Variants in SLIT1 observed in about 807,000 individuals in gnomAD.
SLIT1 encodes slit guidance ligand 1, also known as slit homolog 1 protein.
SLIT1 carries 66 observed loss-of-function variants against 186.1 expected under a neutral mutation model. The observed-to-expected ratio is 0.35, with a 90% CI of 0.29 to 0.44. SLIT1 has a LOEUF of 0.44. SLIT1 is among the 20% of genes least tolerant of loss of function. The pLI is 1.00. For synonymous variants in SLIT1, 761 were observed against 833.8 expected (o/e 0.91, Z 1.50); for missense variants, 1,638 against 2,037.4 (o/e 0.80, Z 3.77).
intron 4 of SLIT1, among the ~76,000 whole-genome samples, chr10:97,070,989 G>A (rs1335901909): frequency 1.3e-5 from 2 of 152,102 alleles, no homozygotes; most frequent in African/African-American, 2.4e-5. Flanking sequence ...GATGCTCTAC[G>A]GGTGGAGACA....
rs1458630945 is a variant in SLIT1 at position 97,046,749 on chromosome 10, C to T, written c.1758G>A (p.Glu586=). Residue 586 remains glutamate (E), a synonymous_variant, in exon 18 of 37, where the codon GAG becomes GAA. Coordinates refer to ENST00000266058, the MANE Select transcript of SLIT1 (RefSeq NM_003061.3). The stretch of plus-strand genomic sequence containing the variant: ...GCAGCTCGCTCACAGAGGCTGCGCC[C>T]TCGAAGGCCCCATCTTCAATTTCTG... ...KVSEIEDGAF[E]GAASVSELHL... is the part of the protein sequence containing the mutation. 1.9e-6 allele frequency: 3 copies of T among 1,612,492 alleles called. No individual in the cohort carries two copies. The highest frequency in any genetic ancestry group is 1.6e-4 in the Middle Eastern group (1 of 6,084).
intron 4 of SLIT1, among the ~76,000 whole-genome samples, chr10:97,126,721 C>T (rs775620768): frequency 2.5e-4 from 38 of 152,184 alleles, no homozygotes; most frequent in Non-Finnish European, 5.3e-4. Context: ...TTGTGGAATA[C>T]ATGAATGAGT....
intron 3 of SLIT1, among the ~76,000 whole-genome samples, chr10:97,160,449 A>G (rs1850010928): frequency 6.6e-6 from 1 of 152,180 alleles, no homozygotes; most frequent in Non-Finnish European, 1.5e-5. Flanking sequence ...GGTGGGTGTC[A>G]TTTTAAAAAT....
intron 25 of SLIT1, among the ~76,000 whole-genome samples, chr10:97,023,843 T>G (rs1383097419): frequency 6.6e-6 from 1 of 152,034 alleles, no homozygotes; most frequent in Non-Finnish European, 1.5e-5. Context: ...CTCGGAAGGC[T>G]GAGGCAGGAC....
rs148396064 is a variant in SLIT1 at position 97,163,424 on chromosome 10, T to C, written c.297A>G (p.Ala99=). 8.6e-4 allele frequency: 1,387 copies of C among 1,614,200 alleles called. 21 individuals carry two copies. In the East Asian group the frequency reaches 0.027, roughly 31 times the overall value. Residue 99 remains alanine, a synonymous_variant, in exon 3 of 37, where the codon GCA becomes GCG. Transcript: ENST00000266058. ...VLQLMENQIG[A]VERGAFDDMK... ...TGTCATCAAAAGCACCACGTTCCAC[T>C]GCTCCAATCTGGTTCTCCATCAGCT...
chr10:97,172,252 G>A (rs542640428), intron 1 of SLIT1, among the ~76,000 whole-genome samples: 1 of 152,078 alleles, frequency 6.6e-6, no homozygotes, highest in South Asian at 2.1e-4. Context: ...CACCATGTTG[G>A]CCAGGCTGAT....
intron 4 of SLIT1, among the ~76,000 whole-genome samples, chr10:97,071,783 G>A (rs116048712): frequency 0.011 from 1,680 of 152,334 alleles, 35 homozygotes; most frequent in African/African-American, 0.038. Context: ...TACAGCTGGT[G>A]TGGCACTCAG....
intron 12 of SLIT1, among the ~76,000 whole-genome samples, chr10:97,056,886 G>A (rs1848841783): frequency 6.6e-6 from 1 of 152,194 alleles, no homozygotes; most frequent in South Asian, 2.1e-4. Context: ...ATGGTTCAAG[G>A]AGGCCGAGCT....
In SLIT1 at chr10:97,006,474, G is replaced by A; in HGVS notation, c.3579+9C>T. 6.2e-7 allele frequency: 1 copy of A among 1,603,954 alleles called. No homozygotes were observed. The highest frequency in any genetic ancestry group is 8.5e-7 in the Non-Finnish European group (1 of 1,170,998). ...ACTCCCCTCTGTGACCAAGCCCCCT[G>A]GCACGCACCTGCAACGTGATGTTGG... On this transcript the variant is annotated intron_variant, in intron 32 of 36. Transcript: ENST00000266058. The surrounding 1 kb of genome is among the most constrained non-coding windows in gnomAD (Gnocchi z 4.0).
At chr10:97,050,510 A>G (rs534293614) in intron 13 of SLIT1, among the ~76,000 whole-genome samples, 1 of 152,338 alleles carries the variant, frequency 6.6e-6, no homozygotes, top group East Asian at 1.9e-4. Flanking sequence ...CAGGTGGACC[A>G]GGTCCCTCCC....
chr10:97,083,099 T>C (rs902187548), intron 4 of SLIT1, among the ~76,000 whole-genome samples: 1 of 152,026 alleles, frequency 6.6e-6, no homozygotes, highest in Non-Finnish European at 1.5e-5. Context: ...TATTTTTATT[T>C]ATTTATTTAT....
chr10:97,035,544 C>T (rs866475188), intron 22 of SLIT1, among the ~76,000 whole-genome samples: 12 of 152,222 alleles, frequency 7.9e-5, no homozygotes, highest in African/African-American at 2.9e-4. Flanking sequence ...CCTCCTGAGC[C>T]AGCGTCCTCT....
intron 4 of SLIT1, among the ~76,000 whole-genome samples, chr10:97,148,869 G>A (rs1223148132): frequency 1.3e-5 from 2 of 152,130 alleles, no homozygotes; most frequent in African/African-American, 2.4e-5. Context: ...GTTCCTGCAC[G>A]CACGCCTCTC....
chr10:97,185,884 G>C lies in SLIT1; in HGVS notation c.-210C>G, dbSNP rs1286670905. On this transcript the variant is annotated 5_prime_UTR_variant, in exon 1 of 37. Coordinates refer to ENST00000266058, the MANE Select transcript of SLIT1 (RefSeq NM_003061.3). ...AGGGAGGGCGCCTTGGGCGGAGGGG[G>C]CTCGGCTCCTCTGCCGTTTCGCCGC... 3 of 500,064 alleles carry C rather than the reference G, an allele frequency of 6.0e-6. No individual in the cohort carries two copies. The East Asian group carries it at 1.1e-4, about 18-fold the overall frequency. The allele number at this position is 500,064 out of a possible 1,614,324, so 31.0% of individuals were successfully genotyped here.
Position 97,006,832 on chromosome 10 carries a change from G to A in SLIT1, c.3342-112C>T. 1.4e-6 allele frequency: 1 copy of A among 738,260 alleles called. No homozygotes were observed. The highest frequency in any genetic ancestry group is 2.3e-6 in the Non-Finnish European group (1 of 434,042). The allele number at this position is 738,260 out of a possible 1,614,324, so 45.7% of individuals were successfully genotyped here. On this transcript the variant is annotated intron_variant, in intron 31 of 36. Coordinates refer to ENST00000266058, the MANE Select transcript of SLIT1 (RefSeq NM_003061.3). This position sits in a 1 kb window ranked among gnomAD's most constrained non-coding sequence, Gnocchi z 4.0. ...CATCTTGGGAAAATGGATTCTTAAA[G>A]CGACAGAAGATGCTCCTAATAAACA...
chr10:97,026,464 CTAAATAAATAAA>C (rs10624448), intron 25 of SLIT1, among the ~76,000 whole-genome samples: 472 of 149,562 alleles, frequency 3.2e-3, no homozygotes, highest in African/African-American at 9.5e-3. Context: ...AACTCCGTCT[CTAAATAAATAAA>C]TAAATAAATA....
At chr10:97,176,864 TC>T (rs1850263554) in intron 1 of SLIT1, among the ~76,000 whole-genome samples, 1 of 152,168 alleles carries the variant, frequency 6.6e-6, no homozygotes, top group East Asian at 1.9e-4. Flanking sequence ...CTCCCGCCTC[TC>T]CACTATCTCT....
chr10:97,111,503 G>T (rs578255928), intron 4 of SLIT1, among the ~76,000 whole-genome samples: 3 of 152,118 alleles, frequency 2.0e-5, no homozygotes, highest in Non-Finnish European at 2.9e-5. Context: ...TGCTCCCGCC[G>T]CGGAGAAACC....
At chr10:97,050,706 G>C in intron 13 of SLIT1, among the ~76,000 whole-genome samples, 1 of 152,192 alleles carries the variant, frequency 6.6e-6, no homozygotes, top group Non-Finnish European at 1.5e-5. Flanking sequence ...CAGTGCCTCA[G>C]CCCCTGCCTG....
Sources: allele counts gnomAD v4.1 joint callset (sites outside exome capture counted in the v4.1 genomes callset), GRCh38; gene constraint gnomAD v4.1.1; non-coding constraint Gnocchi (gnomAD v3.1); transcripts MANE v1.5; gene names NCBI Gene and HGNC (gene_info 2026-07-23, HGNC 2026-07-21).